The following MASP2 variants were observed in gnomAD, a reference collection of about 807,000 sequenced individuals.
MASP2 encodes mannan-binding lectin serine protease 2.
In MASP2, 49 loss-of-function variants were observed where a neutral mutation model predicts 57.1. The ratio of observed to expected loss-of-function variants is 0.86; its 90% confidence interval spans 0.68 to 1.09. The LOEUF is 1.09. Ranked by LOEUF, MASP2 falls within the 50% of genes least tolerant of loss-of-function variation. The pLI is 0.00. For missense variants in MASP2, 900 were observed against 874.8 expected, an observed-to-expected ratio of 1.03 and a Z score of -0.36; for synonymous variants, 379 against 340.8, an observed-to-expected ratio of 1.11 and a Z score of -1.24.
intron 6 of MASP2, among the ~76,000 whole-genome samples, chr1:11,039,569 T>C (rs1272195340): frequency 2.7e-5 from 4 of 149,104 alleles, no homozygotes; most frequent in Admixed American, 2.0e-4. Context: ...GGTGGATGGA[T>C]AGATGGATGG....
Position 11,026,976 on chromosome 1 carries a change from G to T in MASP2, c.1970C>A (p.Ser657Tyr), listed in dbSNP as rs1473944395. The T allele has an allele frequency of 6.4e-7, 1 of 1,567,656 alleles. No individual in the cohort carries two copies. The highest frequency in any genetic ancestry group is 8.6e-7 in the Non-Finnish European group (1 of 1,160,244). ...WFVGGIVSWG[S>Y]MNCGEAGQYG... ...CTGACCTGCTTCCCCACAATTCATG[G>T]AACCCCAGGACACTATTCCTCCCAC... The change falls in exon 11 of 11, where the codon TCC (serine) becomes TAC (tyrosine). Residue 657 changes from serine (S) to tyrosine (Y), a missense_variant. Coordinates refer to ENST00000400897, the MANE Select transcript of MASP2 (RefSeq NM_006610.4).
chr1:11,043,919 G>T lies in MASP2; in HGVS notation c.545-384C>A, dbSNP rs3765899. Among the ~76,000 whole-genome samples the T allele has an allele frequency of 9.0e-3, 1,330 of 148,138 alleles. 38 individuals are homozygous for T. The East Asian group carries it at 0.1, about 12-fold the overall frequency. On this transcript the variant is annotated intron_variant, in intron 4 of 10. Transcript: ENST00000400897. ...TCCACCAGGCTCTGCCGGGGCGGGG[G>T]GCGGGGGTGGATGGACACACAGGAA...
rs775527404 is a variant in MASP2, at chr1:11,047,011, C to T, written c.114G>A (p.Glu38=). 1 of 1,553,182 alleles carries T rather than the reference C, an allele frequency of 6.4e-7. No homozygotes were observed. Among genetic ancestry groups the T allele is most frequent in the South Asian group, 1.2e-5 (1 of 84,232 alleles). Residue 38 remains glutamate, a synonymous_variant, in exon 2 of 11, where the codon GAG becomes GAA. Transcript: ENST00000400897. ...AGCGCCGCTCCTGGTCATTGGCATA[C>T]TCCCCTGGAAAGCCGGGGGATGCCA... The part of the protein sequence containing the change: ...GRLASPGFPG[E]YANDQERRWT...
At chr1:11,045,585 C>T (rs764709765) in intron 3 of MASP2, 46 bp from the exon 4 acceptor site, 10 of 1,560,328 alleles carry the variant, frequency 6.4e-6, no homozygotes, top group South Asian at 2.3e-5. Context: ...GGGAAAGAGG[C>T]GGGATCCAGC....
At chr1:11,041,136 A>T (rs866085940) in intron 6 of MASP2, among the ~76,000 whole-genome samples, 631 of 40,328 alleles carry the variant, frequency 0.016, 14 homozygotes, top group South Asian at 0.076. Flanking sequence ...GATGGATGGA[A>T]GGATGTGTTG....
intron 6 of MASP2, among the ~76,000 whole-genome samples, chr1:11,042,393 GGATTGGATGGATGGATGGATGGATGGAT>G (rs1425125412): frequency 1.4e-5 from 2 of 139,532 alleles, no homozygotes; most frequent in Non-Finnish European, 3.1e-5. Flanking sequence ...ATGGATAGAT[GGATTGGATGGATGGATGGATGGATGGAT>G]GGATGGATGG....
chr1:11,039,889 T>TGGAC (rs1557673005), intron 6 of MASP2, among the ~76,000 whole-genome samples: 1 of 102,668 alleles, frequency 9.7e-6, no homozygotes, highest in East Asian at 2.8e-4. Context: ...GATGGATGGA[T>TGGAC]GGATGGATGG....
chr1:11,036,176 G>A (rs1053853776), intron 7 of MASP2, among the ~76,000 whole-genome samples: 4 of 152,220 alleles, frequency 2.6e-5, no homozygotes, highest in Admixed American at 6.5e-5. Context: ...ACCCTGTGCC[G>A]CAAAGGATTT....
chr1:11,042,002 A>G (rs1638467060), intron 6 of MASP2, among the ~76,000 whole-genome samples: 1 of 150,008 alleles, frequency 6.7e-6, no homozygotes, highest in Non-Finnish European at 1.5e-5. Context: ...GGGTGCATGG[A>G]TGGATAAGTA....
chr1:11,045,090 A>T, intron 4 of MASP2: 1 of 866,920 alleles, frequency 1.2e-6, no homozygotes, highest in Non-Finnish European at 1.9e-6. Context: ...GGAACCAGGG[A>T]ACCAGGTCCC....
chr1:11,027,014 T>C lies in MASP2; in HGVS notation c.1932A>G (p.Thr644=). The change falls in exon 11 of 11, where the codon ACA becomes ACG. Residue 644 remains threonine, a synonymous_variant. Coordinates refer to ENST00000400897, the MANE Select transcript of MASP2 (RefSeq NM_006610.4). ...GGALVFLDSE[T]ERWFVGGIVS... is the part of the protein sequence containing the mutation. Reference sequence around the variant, plus strand: ...CTATTCCTCCCACAAACCACCTCTCTGTTTCACTATCTAGAAACACCAGTG... The same window carrying C: ...CTATTCCTCCCACAAACCACCTCTCCGTTTCACTATCTAGAAACACCAGTG... 1 of 1,598,960 alleles carries C rather than the reference T, an allele frequency of 6.3e-7. No individual in the cohort carries two copies. Among genetic ancestry groups the C allele is most frequent in the Non-Finnish European group, 8.5e-7 (1 of 1,173,064 alleles).
chr1:11,041,165 G>A (rs1638419247), intron 6 of MASP2, among the ~76,000 whole-genome samples: 2 of 147,142 alleles, frequency 1.4e-5, no homozygotes, highest in South Asian at 4.4e-4. Flanking sequence ...AAGGGTAGAT[G>A]GGTAGATGAA....
chr1:11,036,564 T>C (rs1349871582), intron 7 of MASP2, among the ~76,000 whole-genome samples: 1 of 141,348 alleles, frequency 7.1e-6, no homozygotes, highest in Admixed American at 7.0e-5. Flanking sequence ...TAAAGAAGTC[T>C]GTGGTCCGAG....
chr1:11,034,256 A>C (rs1452868453), intron 8 of MASP2, among the ~76,000 whole-genome samples: 1 of 151,818 alleles, frequency 6.6e-6, no homozygotes, highest in Non-Finnish European at 1.5e-5. Flanking sequence ...AAAAAAAAAA[A>C]AAAAAACCTT....
rs957475377 is a variant in MASP2 at position 11,042,929 on chromosome 1, C to G, written c.835G>C (p.Val279Leu). 3.1e-6 allele frequency: 5 copies of G among 1,613,954 alleles called. No homozygotes were observed. The African/African-American group carries it at 4.0e-5, about 13-fold the overall frequency. ...GTGTGGTCTCCTGATTCATCTGTGA[C>G]AAAGGTGATGGTCACCGTGTTGCTT... Reference protein sequence around the residue: ...TKSNTVTITFVTDESGDHTGW... With the variant: ...TKSNTVTITFLTDESGDHTGW... The change falls in exon 6 of 11, where the codon GTC becomes CTC. Residue 279 changes from valine (V) to leucine (L), a missense_variant. By Grantham distance (32) the Val-to-Leu change is conservative. Coordinates refer to ENST00000400897, the MANE Select transcript of MASP2 (RefSeq NM_006610.4).
At position 11,027,520 on chromosome 1, in the gene MASP2, T is replaced by C; in HGVS notation, c.1426A>G (p.Asn476Asp). Residue 476 changes from asparagine to aspartate, a missense_variant, in exon 11 of 11, where the codon AAC becomes GAC. Transcript: ENST00000400897. ...GCATGAGCAGCTGTTAGGACCCAGT[T>C]GTCATATAAAAGTGCACCTGCTGCT... ...TTAAGALLYDNWVLTAAHAVY... is the reference protein window; with the variant it reads ...TTAAGALLYDDWVLTAAHAVY... 1 of 1,614,170 alleles carries C rather than the reference T, an allele frequency of 6.2e-7. No individual in the cohort carries two copies. Among genetic ancestry groups the C allele is most frequent in the Non-Finnish European group, 8.5e-7 (1 of 1,180,036 alleles).
intron 10 of MASP2, 48 bp from the exon 11 acceptor site, chr1:11,027,696 C>T (rs745911478): frequency 1.2e-4 from 186 of 1,526,668 alleles, no homozygotes; most frequent in Non-Finnish European, 1.4e-4. Flanking sequence ...AAATGTCAAT[C>T]GTGTTTTTCT....
At chr1:11,043,995 G>C (rs957688230) in intron 4 of MASP2, among the ~76,000 whole-genome samples, 2 of 152,112 alleles carry the variant, frequency 1.3e-5, no homozygotes, top group African/African-American at 4.8e-5. Flanking sequence ...GGAAAAGAGA[G>C]GAGCATCTCC....
chr1:11,033,157 C>A (rs1005812724), intron 8 of MASP2, among the ~76,000 whole-genome samples: 1 of 151,706 alleles, frequency 6.6e-6, no homozygotes, highest in Non-Finnish European at 1.5e-5. Context: ...GGAGAAACCC[C>A]GTCTCTACTA....
Sources: gnomAD v4.1 joint callset for allele counts (sites outside exome capture counted in the v4.1 genomes callset) on GRCh38, gnomAD v4.1.1 for gene constraint, MANE v1.5 for transcripts, NCBI Gene and HGNC (gene_info 2026-07-23, HGNC 2026-07-21) for gene names.